The following RBFOX1 variants were observed in gnomAD, a reference collection of about 807,000 sequenced individuals.
RBFOX1 encodes the protein RNA binding protein fox-1 homolog 1.
Under a neutral mutation model 57.7 loss-of-function variants are expected in RBFOX1, and 8 were observed. The ratio of observed to expected loss-of-function variants is 0.14; its 90% CI spans 0.08 to 0.25. The LOEUF is 0.25. Among genes scored for constraint, RBFOX1 ranks in the 10% least tolerant of loss-of-function variants. RBFOX1 has a pLI of 1.00. For missense variants in RBFOX1, 611 were observed against 548.5 expected, an observed-to-expected ratio of 1.11 and a Z score of -1.14; for synonymous variants, 326 against 222.4, an observed-to-expected ratio of 1.47 and a Z score of -4.15.
intron 3 of RBFOX1, among the ~76,000 whole-genome samples, chr16:5,607,963 G>C (rs1216425565): frequency 6.6e-6 from 1 of 152,154 alleles, no homozygotes; most frequent in Non-Finnish European, 1.5e-5. Context: ...GTAGTTTGGG[G>C]CTATGTGCAC....
chr16:7,568,746 G>A (rs1200913636), intron 5 of RBFOX1, among the ~76,000 whole-genome samples: 1 of 151,786 alleles, frequency 6.6e-6, no homozygotes, highest in Non-Finnish European at 1.5e-5. Flanking sequence ...AATTAGCCGG[G>A]CATGGTGGCG....
At chr16:5,624,541 T>C (rs2048294075) in intron 3 of RBFOX1, among the ~76,000 whole-genome samples, 1 of 152,200 alleles carries the variant, frequency 6.6e-6, no homozygotes, top group African/African-American at 2.4e-5. Flanking sequence ...GAAAAGCTCC[T>C]GAGAACCCCC....
chr16:5,933,023 A>G (rs553683115), intron 4 of RBFOX1, among the ~76,000 whole-genome samples: 1 of 152,380 alleles, frequency 6.6e-6, no homozygotes, highest in East Asian at 1.9e-4. Flanking sequence ...AATAAAATGT[A>G]GAAAGCCCAG....
At chr16:7,087,248 G>A (rs1319302756) in intron 4 of RBFOX1, among the ~76,000 whole-genome samples, 1 of 152,186 alleles carries the variant, frequency 6.6e-6, no homozygotes, top group Admixed American at 6.5e-5. Flanking sequence ...TGGCCTCCCA[G>A]AGTCACCGGC....
chr16:5,254,986 C>A (rs1488609391), intron 1 of RBFOX1, among the ~76,000 whole-genome samples: 1 of 152,152 alleles, frequency 6.6e-6, no homozygotes, highest in Non-Finnish European at 1.5e-5. Context: ...ATTAAGGAAC[C>A]CCTGGCTCTA....
chr16:7,708,282 AT>A (rs1271264719), intron 14 of RBFOX1, among the ~76,000 whole-genome samples: 1 of 152,184 alleles, frequency 6.6e-6, no homozygotes, highest in African/African-American at 2.4e-5. Context: ...TTTAGTAGGC[AT>A]TCAGCACGTT....
At chr16:5,939,226 A>C (rs980869449) in intron 4 of RBFOX1, among the ~76,000 whole-genome samples, 19 of 152,232 alleles carry the variant, frequency 1.2e-4, no homozygotes, top group African/African-American at 4.3e-4. Context: ...GTACCCTAGA[A>C]CTTAAAGTAT....
At chr16:6,323,437 C>G (rs533591744) in intron 2 of RBFOX1, among the ~76,000 whole-genome samples, 1 of 152,258 alleles carries the variant, frequency 6.6e-6, no homozygotes, top group African/African-American at 2.4e-5. Flanking sequence ...GTCAGTCTTG[C>G]TTGCTTCTGT....
At chr16:6,460,598 A>G (rs767472804) in intron 2 of RBFOX1, among the ~76,000 whole-genome samples, 2 of 152,188 alleles carry the variant, frequency 1.3e-5, no homozygotes, top group East Asian at 1.9e-4. Flanking sequence ...AAGAAACAAC[A>G]GATGCTGGTG....
At chr16:7,383,204 G>T (rs1597053869) in intron 4 of RBFOX1, among the ~76,000 whole-genome samples, 1 of 151,492 alleles carries the variant, frequency 6.6e-6, no homozygotes, top group East Asian at 1.9e-4. Flanking sequence ...CTCATGGCAT[G>T]CCTGTATCAA....
intron 1 of RBFOX1, among the ~76,000 whole-genome samples, chr16:6,128,407 A>G (rs776525301): frequency 1.3e-5 from 2 of 152,198 alleles, no homozygotes; most frequent in Non-Finnish European, 1.5e-5. Flanking sequence ...GCAATGAAAT[A>G]CCTAAGGCTA....
At chr16:7,493,113 A>T (rs1042664060) in intron 4 of RBFOX1, among the ~76,000 whole-genome samples, 19 of 152,124 alleles carry the variant, frequency 1.2e-4, no homozygotes, top group African/African-American at 4.6e-4. Context: ...TCCTGACCTT[A>T]GGGGATTCGC....
chr16:5,453,151 A>G (rs1404609530), intron 1 of RBFOX1, among the ~76,000 whole-genome samples: 1 of 151,876 alleles, frequency 6.6e-6, no homozygotes, highest in Non-Finnish European at 1.5e-5. Flanking sequence ...TTCTCACTCC[A>G]TCTATCCATA....
At chr16:7,389,180 C>A (rs1315183227) in intron 4 of RBFOX1, among the ~76,000 whole-genome samples, 1 of 152,154 alleles carries the variant, frequency 6.6e-6, no homozygotes, top group East Asian at 1.9e-4. Flanking sequence ...GGCTGGAATG[C>A]AGTGGTGTGA....
chr16:5,670,234 A>G (rs2049977443), intron 3 of RBFOX1, among the ~76,000 whole-genome samples: 1 of 152,118 alleles, frequency 6.6e-6, no homozygotes, highest in African/African-American at 2.4e-5. Context: ...CTTGTAATGA[A>G]AATGTTCTGG....
At chr16:5,396,665 A>T (rs993182789) in intron 1 of RBFOX1, among the ~76,000 whole-genome samples, 1 of 152,130 alleles carries the variant, frequency 6.6e-6, no homozygotes, top group Non-Finnish European at 1.5e-5. Flanking sequence ...AAGATGAAAG[A>T]AGGAGGAAAG....
chr16:7,090,537 T>A (rs901201919), intron 4 of RBFOX1, among the ~76,000 whole-genome samples: 1 of 152,216 alleles, frequency 6.6e-6, no homozygotes, highest in Non-Finnish European at 1.5e-5. Context: ...TACAGATGCT[T>A]AATATGTCCA....
intron 2 of RBFOX1, among the ~76,000 whole-genome samples, chr16:6,530,702 A>G (rs2096645507): frequency 6.6e-6 from 1 of 152,032 alleles, no homozygotes; most frequent in Non-Finnish European, 1.5e-5. Flanking sequence ...AGATGGTGGC[A>G]GGTGAAGAGA....
At chr16:7,044,368 A>G (rs986249170) in intron 3 of RBFOX1, among the ~76,000 whole-genome samples, 1 of 152,198 alleles carries the variant, frequency 6.6e-6, no homozygotes, top group Middle Eastern at 3.2e-3. Flanking sequence ...AGAATAAAGC[A>G]GGAAGAACTG....
Sources: allele counts gnomAD v4.1 joint callset (sites outside exome capture counted in the v4.1 genomes callset), GRCh38; gene constraint gnomAD v4.1.1; transcripts MANE v1.5; gene names NCBI Gene and HGNC (gene_info 2026-07-23, HGNC 2026-07-21).